The following LRP2 variants were observed in gnomAD, a reference collection of about 807,000 sequenced individuals.
The protein encoded by LRP2 is low-density lipoprotein receptor-related protein 2.
LRP2 carries 172 observed loss-of-function variants against 531.0 expected under a neutral mutation model. The ratio of observed to expected loss-of-function variants is 0.32; its 90% CI spans 0.29 to 0.37. The LOEUF (loss-of-function observed/expected upper bound fraction) is 0.37, where lower values mean the gene tolerates loss of function less well. Ranked by LOEUF, LRP2 falls within the 10% of genes least tolerant of loss-of-function variation. The pLI is 1.00. For missense variants in LRP2, 5,167 were observed against 5,868.3 expected (o/e 0.88, Z 3.90); for synonymous variants, 1,992 against 2,027.6 (o/e 0.98, Z 0.47).
At chr2:169,299,523 T>C (rs1250624457) in intron 4 of LRP2, among the ~76,000 whole-genome samples, 1 of 143,714 alleles carries the variant, frequency 7.0e-6, no homozygotes, top group East Asian at 2.1e-4. Flanking sequence ...AAAACTGACA[T>C]AGTTCTAAAT....
intron 16 of LRP2, among the ~76,000 whole-genome samples, chr2:169,264,518 G>C (rs1025556438): frequency 1.3e-5 from 2 of 151,996 alleles, no homozygotes; most frequent in Admixed American, 6.6e-5. Flanking sequence ...ATAGCAGATT[G>C]ACAAACCAAA....
chr2:169,292,395 C>T, intron 6 of LRP2, 26 bp from the exon 7 acceptor site: 1 of 1,408,284 alleles, frequency 7.1e-7, no homozygotes, highest in Non-Finnish European at 1.0e-6. Context: ...AGCTGCACTC[C>T]AAAGACACAA....
intron 10 of LRP2, among the ~76,000 whole-genome samples, chr2:169,282,351 A>C (rs1243056939): frequency 6.6e-6 from 1 of 152,106 alleles, no homozygotes; most frequent in Non-Finnish European, 1.5e-5. Flanking sequence ...TTTCTCTACT[A>C]CTCTGTACTA....
chr2:169,165,091 C>A (rs1231907120), intron 62 of LRP2, among the ~76,000 whole-genome samples: 2 of 152,168 alleles, frequency 1.3e-5, no homozygotes, highest in Non-Finnish European at 2.9e-5. Context: ...CCCTGACAGT[C>A]TCCTCTGGGA....
chr2:169,139,972 T>G (rs1685659871), intron 72 of LRP2, among the ~76,000 whole-genome samples: 1 of 152,254 alleles, frequency 6.6e-6, no homozygotes, highest in Non-Finnish European at 1.5e-5. Flanking sequence ...CATCCATTTA[T>G]CTTGCTCCAT....
chr2:169,311,880 GCT>G (rs1684607664), intron 3 of LRP2, among the ~76,000 whole-genome samples: 3 of 152,136 alleles, frequency 2.0e-5, no homozygotes, highest in Non-Finnish European at 1.5e-5. Flanking sequence ...GAATCTGGGT[GCT>G]CCTGTATTGG....
chr2:169,234,538 G>T (rs6724600), intron 29 of LRP2, among the ~76,000 whole-genome samples: 69,982 of 152,080 alleles, frequency 0.46, 16,687 homozygotes, highest in South Asian at 0.63. Context: ...ATGGGCATTT[G>T]TGTTAGTTCC....
intron 14 of LRP2, among the ~76,000 whole-genome samples, chr2:169,273,947 T>C (rs1231198193): frequency 6.6e-6 from 1 of 152,162 alleles, no homozygotes; most frequent in Non-Finnish European, 1.5e-5. Flanking sequence ...TTTCCAAAAA[T>C]GTTTTCAGAT....
intron 40 of LRP2, 45 bp downstream of exon 40, chr2:169,205,978 C>T: frequency 1.2e-6 from 2 of 1,612,980 alleles, no homozygotes; most frequent in Non-Finnish European, 1.7e-6. Context: ...CCATTTTTTC[C>T]AGAAATAAGC....
intron 1 of LRP2, 64 bp downstream of exon 1, chr2:169,362,257 G>T: frequency 7.0e-7 from 1 of 1,419,928 alleles, no homozygotes; most frequent in Non-Finnish European, 9.6e-7. Context: ...GGCCTCCCGC[G>T]GACCCGACCC....
rs1444057266 is a variant in LRP2 at position 169,157,627 on chromosome 2, C to G, written c.11888-125G>C. 6.6e-6 allele frequency: 7 copies of G among 1,063,470 alleles called. No individual in the cohort carries two copies. The Admixed American group carries it at 9.6e-5, about 15-fold the overall frequency. 65.9% of individuals were successfully genotyped at this position (1,063,470 alleles called of 1,614,324 possible). The stretch of plus-strand genomic sequence containing the variant: ...TCTTGAGATAACCCCTTTCCATAAG[C>G]CTTGGAGAGGACAGAGGGCACTGGG... On this transcript the variant is annotated intron_variant, in intron 63 of 78. Transcript: ENST00000649046.
At chr2:169,353,944 A>G (rs1401554182) in intron 1 of LRP2, among the ~76,000 whole-genome samples, 1 of 152,132 alleles carries the variant, frequency 6.6e-6, no homozygotes, top group Non-Finnish European at 1.5e-5. Context: ...GGAGCCATGC[A>G]CTCCAGCCTG....
intron 44 of LRP2, among the ~76,000 whole-genome samples, chr2:169,201,254 C>A (rs1688193472): frequency 6.6e-6 from 1 of 151,314 alleles, no homozygotes; most frequent in Non-Finnish European, 1.5e-5. Context: ...TGAACCCTAA[C>A]TTGAACAGAG....
chr2:169,279,960 T>C (rs549719178), intron 11 of LRP2, among the ~76,000 whole-genome samples: 1 of 152,280 alleles, frequency 6.6e-6, no homozygotes, highest in Non-Finnish European at 1.5e-5. Context: ...CGAATTACAG[T>C]TCCATTTAGA....
At position 169,198,798 on chromosome 2, in the gene LRP2, G is replaced by A; in HGVS notation, c.8566C>T (p.Pro2856Ser). 1 of 1,613,748 alleles carries A rather than the reference G, an allele frequency of 6.2e-7. No individual in the cohort carries two copies. Among genetic ancestry groups the A allele is most frequent in the Non-Finnish European group, 8.5e-7 (1 of 1,179,800 alleles). The change falls in exon 45 of 79, where the codon CCT becomes TCT. Residue 2856 changes from proline (P) to serine (S), a missense_variant. Coordinates refer to ENST00000649046, the MANE Select transcript of LRP2 (RefSeq NM_004525.3). ...NDCGDNSDEN[P>S]TYCTTHTCSS... ...TTATCTTACTCACTGCAATAAGTAG[G>A]GTTTTCATCACTGTTATCTCCACAG...
chr2:169,178,663 A>C (rs1284213504), intron 52 of LRP2, among the ~76,000 whole-genome samples: 2 of 152,218 alleles, frequency 1.3e-5, no homozygotes, highest in Admixed American at 1.3e-4. Flanking sequence ...CTCCGATTTC[A>C]AGATGTTACA....
At chr2:169,188,353 C>A (rs1574111653) in intron 48 of LRP2, 88 bp from the exon 49 acceptor site, 1 of 1,276,390 alleles carries the variant, frequency 7.8e-7, no homozygotes, top group East Asian at 2.3e-5. Flanking sequence ...CCTTCTTTAT[C>A]TACCTAAATG....
Position 169,206,831 on chromosome 2 carries a change from A to G in LRP2, c.6889T>C (p.Leu2297=). 1 of 1,614,142 alleles carries G rather than the reference A, an allele frequency of 6.2e-7. No individual in the cohort carries two copies. ...TTGCTGGCTTGGAAGATCTTTTTCA[A>G]ATTCCTATCTACCCATATGATAGAA... is the stretch of plus-strand genomic sequence containing the variant. ...ENSIIWVDRN[L]KKIFQASKEP... is the part of the protein sequence containing the mutation. Residue 2297 remains leucine, a synonymous_variant, in exon 39 of 79, where the codon TTG becomes CTG. Transcript: ENST00000649046.
At position 169,270,917 on chromosome 2, in the gene LRP2, C is replaced by G. The variant is rs767550234; in HGVS notation, c.2307G>C (p.Lys769Asn). The G allele has an allele frequency of 6.2e-7, 1 of 1,612,758 alleles. No individual in the cohort carries two copies. Among genetic ancestry groups the G allele is most frequent in the Non-Finnish European group, 8.5e-7 (1 of 1,179,446 alleles). Residue 769 changes from lysine to asparagine, a missense_variant, in exon 16 of 79, where the codon AAG becomes AAC. Physicochemically the swap from Lys to Asn is moderately conservative, Grantham distance 94. Coordinates refer to ENST00000649046, the MANE Select transcript of LRP2 (RefSeq NM_004525.3). Reference protein sequence around the residue: ...DMSKHMIFKQKIDGTGREILA... With the variant: ...DMSKHMIFKQNIDGTGREILA... Reference sequence around the variant, plus strand: ...AACCTTTCTCACCTGTGCCATCAATCTTTTGCTTAAAAATCATGTGTTTTG... The same window carrying G: ...AACCTTTCTCACCTGTGCCATCAATGTTTTGCTTAAAAATCATGTGTTTTG...
Sources: allele counts gnomAD v4.1 joint callset (sites outside exome capture counted in the v4.1 genomes callset), GRCh38; gene constraint gnomAD v4.1.1; transcripts MANE v1.5; gene names NCBI Gene and HGNC (gene_info 2026-07-23, HGNC 2026-07-21).